Variants in ANKS1B observed in about 807,000 individuals in gnomAD.
ANKS1B encodes ankyrin repeat and sterile alpha motif domain containing 1B, also known as ankyrin repeat and sterile alpha motif domain-containing protein 1B.
In ANKS1B, 36 loss-of-function variants were observed where a neutral mutation model predicts 148.3. The ratio of observed to expected loss-of-function variants is 0.24; its 90% CI spans 0.19 to 0.32. The LOEUF is 0.32. Among genes scored for constraint, ANKS1B ranks in the 10% least tolerant of loss-of-function variants. The pLI, the probability that ANKS1B is intolerant of heterozygous loss-of-function variation, is 1.00. For missense variants in ANKS1B, 1,157 were observed against 1,542.6 expected (o/e 0.75, Z 4.19); for synonymous variants, 542 against 560.8 (o/e 0.97, Z 0.47).
intron 1 of ANKS1B, among the ~76,000 whole-genome samples, chr12:99,906,090 T>C (rs2093769539): frequency 6.6e-6 from 1 of 152,128 alleles, no homozygotes; most frequent in African/African-American, 2.4e-5. Flanking sequence ...GAATCGATTA[T>C]GGGGTATGTT....
intron 22 of ANKS1B, chr12:98,794,529 T>C (rs1323565650): frequency 3.3e-6 from 2 of 613,598 alleles, no homozygotes; most frequent in Admixed American, 2.0e-5. Flanking sequence ...CCATCCACCC[T>C]GGCCATGGCA....
At chr12:99,566,134 G>C (rs2097390889) in intron 9 of ANKS1B, among the ~76,000 whole-genome samples, 1 of 152,064 alleles carries the variant, frequency 6.6e-6, no homozygotes. Context: ...CTGAATTTTA[G>C]CATCTTTTGC....
At chr12:99,353,688 A>T (rs1036912132) in intron 12 of ANKS1B, among the ~76,000 whole-genome samples, 3 of 151,964 alleles carry the variant, frequency 2.0e-5, no homozygotes, top group African/African-American at 7.2e-5. Flanking sequence ...CACATTCCTT[A>T]AGATTTTAGA....
Position 99,066,821 on chromosome 12 carries a change from A to G in ANKS1B, c.2626-13512T>C, listed in dbSNP as rs553091095. Among the ~76,000 whole-genome samples the G allele has an allele frequency of 1.2e-3, 188 of 152,322 alleles. 1 individual carries two copies. The highest frequency in any genetic ancestry group is 4.4e-3 in the African/African-American group (184 of 41,572). ...AATAAAATCATCCTTGTTCTCTAAC[A>G]TGGATCAGGAATCTGTCAGTTTGGT... On this transcript the variant is annotated intron_variant, in intron 16 of 26. Coordinates refer to ENST00000683438, the MANE Select transcript of ANKS1B (RefSeq NM_001352186.2).
chr12:99,464,880 G>C (rs1448142638), intron 10 of ANKS1B, among the ~76,000 whole-genome samples: 1 of 152,258 alleles, frequency 6.6e-6, no homozygotes, highest in African/African-American at 2.4e-5. Context: ...AGGATATTAT[G>C]TAGGAGAACT....
At chr12:99,621,428 AC>A (rs1223077808) in intron 9 of ANKS1B, among the ~76,000 whole-genome samples, 1 of 150,154 alleles carries the variant, frequency 6.7e-6, no homozygotes, top group Non-Finnish European at 1.5e-5. Context: ...TTGTCTAAAT[AC>A]CCCCCACTTA....
At chr12:99,001,201 C>T (rs1372469519) in intron 17 of ANKS1B, among the ~76,000 whole-genome samples, 3 of 152,036 alleles carry the variant, frequency 2.0e-5, no homozygotes, top group Admixed American at 1.3e-4. Context: ...GGCGCCATCT[C>T]GGCTCACTGC....
At chr12:98,876,773 A>G (rs974731908) in intron 17 of ANKS1B, among the ~76,000 whole-genome samples, 2 of 152,254 alleles carry the variant, frequency 1.3e-5, no homozygotes, top group Non-Finnish European at 2.9e-5. Context: ...TTTTAGTTAC[A>G]TAAATTGAAG....
At chr12:99,657,487 G>A (rs2098455186) in intron 8 of ANKS1B, among the ~76,000 whole-genome samples, 2 of 152,056 alleles carry the variant, frequency 1.3e-5, no homozygotes, top group South Asian at 4.1e-4. Flanking sequence ...GACAGGGAGT[G>A]AAAATTTCTG....
chr12:99,880,621 G>C (rs2092420391), intron 1 of ANKS1B, among the ~76,000 whole-genome samples: 1 of 152,166 alleles, frequency 6.6e-6, no homozygotes, highest in Non-Finnish European at 1.5e-5. Flanking sequence ...GTGTACATGT[G>C]ATGCTCATTT....
In ANKS1B at chr12:99,554,697, T is replaced by C. The variant is rs557724676; in HGVS notation, c.1273-50056A>G. ...GGTCCAATATTGGAATTATTTGTTTTTGTTAACTTTTATTTTAGGTTCAAG... is the reference window on the plus strand; with the variant it reads ...GGTCCAATATTGGAATTATTTGTTTCTGTTAACTTTTATTTTAGGTTCAAG... On this transcript the variant is annotated intron_variant, in intron 9 of 26. Coordinates refer to ENST00000683438, the MANE Select transcript of ANKS1B (RefSeq NM_001352186.2). Among the ~76,000 whole-genome samples the C allele has an allele frequency of 8.3e-4, 127 of 152,298 alleles. 1 individual carries two copies. Among genetic ancestry groups the C allele is most frequent in the East Asian group, 9.6e-4 (5 of 5,182 alleles).
chr12:99,302,667 G>T (rs2081813767), intron 12 of ANKS1B, among the ~76,000 whole-genome samples: 1 of 152,056 alleles, frequency 6.6e-6, no homozygotes, highest in Admixed American at 6.6e-5. Context: ...TTTATTCACT[G>T]ACTTTCTCAG....
chr12:99,519,288 T>C (rs925939230), intron 9 of ANKS1B, among the ~76,000 whole-genome samples: 1 of 152,084 alleles, frequency 6.6e-6, no homozygotes, highest in Non-Finnish European at 1.5e-5. Context: ...ATTTTCTGTT[T>C]GAAGATCTGT....
intron 15 of ANKS1B, among the ~76,000 whole-genome samples, chr12:99,113,271 G>A (rs761574787): frequency 2.0e-5 from 3 of 152,110 alleles, no homozygotes; most frequent in African/African-American, 4.8e-5. Flanking sequence ...TGACCTGAAC[G>A]AATGGGAAGT....
chr12:99,881,383 A>G (rs1458857643), intron 1 of ANKS1B, among the ~76,000 whole-genome samples: 1 of 152,206 alleles, frequency 6.6e-6, no homozygotes, highest in African/African-American at 2.4e-5. Context: ...TGAAACTTGG[A>G]TAGAAGTGTA....
rs2094298295 is a variant in ANKS1B at position 99,919,824 on chromosome 12, AT to A, written c.134+64279del. On this transcript the variant is annotated intron_variant, in intron 1 of 26. Transcript: ENST00000683438. ...GATTTCAAAAACTTGGCATGAAAAA[AT>A]ATATAAAATATCTCATTAAAAATGT... is the stretch of plus-strand genomic sequence containing the variant. Among the ~76,000 whole-genome samples the A allele has an allele frequency of 3.9e-5, 6 of 151,938 alleles. No individual in the cohort carries two copies. In the South Asian group the frequency reaches 8.3e-4, roughly 21 times the overall value.
At chr12:98,872,667 G>C (rs2099674599) in intron 17 of ANKS1B, among the ~76,000 whole-genome samples, 1 of 152,194 alleles carries the variant, frequency 6.6e-6, no homozygotes, top group Non-Finnish European at 1.5e-5. Context: ...TGAGGGTAAA[G>C]TGAAAAGGGG....
chr12:99,015,091 A>C lies in ANKS1B; in HGVS notation c.2778+38066T>G, dbSNP rs143132552. On this transcript the variant is annotated intron_variant, in intron 17 of 26. Coordinates refer to ENST00000683438, the MANE Select transcript of ANKS1B (RefSeq NM_001352186.2). ...GTTGCATGTGTATGTTCATTGCAGC[A>C]CTATTCATAATAGCAAAGACATGGA... Among the ~76,000 whole-genome samples, 115 of 152,348 alleles carry C rather than the reference A, an allele frequency of 7.5e-4. No homozygotes were observed. The East Asian group carries it at 0.016, about 21-fold the overall frequency.
rs112644034 is a variant in ANKS1B, at chr12:99,006,730, T to C, written c.2778+46427A>G. Among the ~76,000 whole-genome samples the C allele has an allele frequency of 6.6e-3, 1,011 of 152,350 alleles. 3 individuals carry two copies. Among genetic ancestry groups the C allele is most frequent in the Admixed American group, 9.5e-3 (146 of 15,302 alleles). ...TGTAGACTGATAACAATAGTGATGATGACGATGATATTAGTTAATACAATA... is the reference window on the plus strand; with the variant it reads ...TGTAGACTGATAACAATAGTGATGACGACGATGATATTAGTTAATACAATA... On this transcript the variant is annotated intron_variant, in intron 17 of 26. Transcript: ENST00000683438.
Sources: gnomAD v4.1 joint callset for allele counts (sites outside exome capture counted in the v4.1 genomes callset) on GRCh38, gnomAD v4.1.1 for gene constraint, MANE v1.5 for transcripts, NCBI Gene and HGNC (gene_info 2026-07-23, HGNC 2026-07-21) for gene names.